CDADC1: variants seen among roughly 807,000 people sequenced by gnomAD.
CDADC1 encodes the protein cytidine and dCMP deaminase domain containing 1.
In CDADC1, 39 loss-of-function variants were observed where a neutral mutation model predicts 54.9. That is an observed-to-expected ratio of 0.71 (90% CI 0.55 to 0.93). The LOEUF (loss-of-function observed/expected upper bound fraction) is 0.93, where lower values mean the gene tolerates loss of function less well. Among genes scored for constraint, CDADC1 ranks in the 40% least tolerant of loss-of-function variants. The pLI is 0.00. For synonymous variants in CDADC1, 186 were observed against 204.0 expected, an observed-to-expected ratio of 0.91 and a Z score of 0.75; for missense variants, 518 against 618.8, an observed-to-expected ratio of 0.84 and a Z score of 1.73.
chr13:49,270,064 TC>T (rs1952925031), intron 5 of CDADC1, among the ~76,000 whole-genome samples: 2 of 152,090 alleles, frequency 1.3e-5, no homozygotes, highest in African/African-American at 4.8e-5. Flanking sequence ...TGTGCACTCT[TC>T]CAGGGAAGAA....
chr13:49,285,129 G>A (rs1953468285), intron 8 of CDADC1, among the ~76,000 whole-genome samples: 1 of 151,630 alleles, frequency 6.6e-6, no homozygotes, highest in South Asian at 2.1e-4. Context: ...ACATTAAAAG[G>A]CAAGGTAATC....
intron 8 of CDADC1, among the ~76,000 whole-genome samples, 190 bp from the exon 9 acceptor site, chr13:49,286,032 T>C (rs529425893): frequency 6.6e-6 from 1 of 152,320 alleles, no homozygotes; most frequent in Admixed American, 6.5e-5. Flanking sequence ...CAGGTTGGTC[T>C]CAAACTCCTT....
intron 9 of CDADC1, among the ~76,000 whole-genome samples, chr13:49,286,803 A>G (rs1204641182): frequency 1.3e-5 from 2 of 152,234 alleles, no homozygotes; most frequent in Non-Finnish European, 2.9e-5. Context: ...GTATACTACT[A>G]CAGATATTTT....
intron 3 of CDADC1, among the ~76,000 whole-genome samples, chr13:49,257,578 G>A (rs1952574797): frequency 6.6e-6 from 1 of 152,174 alleles, no homozygotes; most frequent in Admixed American, 6.5e-5. Context: ...AGACCATCCT[G>A]GCTAACATGG....
At chr13:49,283,757 A>G (rs553236737) in intron 8 of CDADC1, among the ~76,000 whole-genome samples, 8 of 152,266 alleles carry the variant, frequency 5.3e-5, no homozygotes, top group African/African-American at 1.9e-4. Context: ...AAATACCCTC[A>G]CTCAGGCACA....
Position 49,292,624 on chromosome 13 carries a change from T to C in CDADC1, c.*867T>C. ...CAAAAGGAAGAGCCTTTTAAAAACA[T>C]TTGCCAACCTCAAGAATAAATACTG... On this transcript the variant is annotated 3_prime_UTR_variant, in exon 10 of 10. Transcript: ENST00000251108. The C allele has an allele frequency of 8.6e-7, 1 of 1,168,366 alleles. No individual in the cohort carries two copies. The highest frequency in any genetic ancestry group is 1.1e-6 in the Non-Finnish European group (1 of 934,062). The allele number at this position is 1,168,366 out of a possible 1,614,324, so 72.4% of individuals were successfully genotyped here.
chr13:49,288,416 T>C (rs950330741), intron 9 of CDADC1, among the ~76,000 whole-genome samples: 1 of 152,182 alleles, frequency 6.6e-6, no homozygotes, highest in Non-Finnish European at 1.5e-5. Context: ...TTCAGAACAT[T>C]TTCATTATCT....
At position 49,280,697 on chromosome 13, in the gene CDADC1, C is replaced by T. The variant is rs146284753; in HGVS notation, c.1409C>T (p.Thr470Met). ...FGELEGVSKF[T>M]WQLNPSGAYG... ...GAGCTTGAAGGTGTTAGCAAATTTACGGTAAGTAGATACACATTTTTTTCA... is the reference window on the plus strand; with the variant it reads ...GAGCTTGAAGGTGTTAGCAAATTTATGGTAAGTAGATACACATTTTTTTCA... The change falls in exon 8 of 10, where the codon ACG (threonine) becomes ATG (methionine). Residue 470 changes from threonine to methionine, a missense_variant and splice_region_variant. Transcript: ENST00000251108. 1.3e-5 allele frequency: 20 copies of T among 1,564,090 alleles called. No individual in the cohort carries two copies. Among genetic ancestry groups the T allele is most frequent in the Non-Finnish European group, 1.5e-5 (17 of 1,157,448 alleles).
intron 6 of CDADC1, among the ~76,000 whole-genome samples, chr13:49,276,950 T>C (rs939364891): frequency 2.6e-4 from 40 of 152,182 alleles, no homozygotes; most frequent in Admixed American, 1.8e-3. Context: ...AGAATGTCAG[T>C]TTCTAGTTAT....
In CDADC1 at chr13:49,286,258, C is replaced by T; in HGVS notation, c.1447C>T (p.Gln483Ter). ...TCCATCAGGAGCTTATGGTCTTGAA[C>T]AAAATGAGCCTGAAAGGAGAGAAAG... ...LNPSGAYGLE[Q>*]NEPERRENGV... The change falls in exon 9 of 10, where the codon CAA becomes TAA. Residue 483 changes from glutamine to a stop codon, truncating the protein, a stop_gained. Coordinates refer to ENST00000251108, the MANE Select transcript of CDADC1 (RefSeq NM_030911.4). LOFTEE classifies it high-confidence loss of function. 1 of 1,613,266 alleles carries T rather than the reference C, an allele frequency of 6.2e-7. No individual in the cohort carries two copies. Among genetic ancestry groups the T allele is most frequent in the Non-Finnish European group, 8.5e-7 (1 of 1,179,304 alleles).
chr13:49,276,536 G>T (rs951876984), intron 6 of CDADC1, among the ~76,000 whole-genome samples: 5 of 152,184 alleles, frequency 3.3e-5, no homozygotes, highest in African/African-American at 7.2e-5. Context: ...CACTCATCCA[G>T]TATCTTCCCT....
chr13:49,277,516 T>G (rs939099043), intron 6 of CDADC1, among the ~76,000 whole-genome samples: 1 of 152,174 alleles, frequency 6.6e-6, no homozygotes, highest in Non-Finnish European at 1.5e-5. Flanking sequence ...TGAGATAATA[T>G]TTTGTTTGCA....
At chr13:49,252,134 G>C (rs985197958) in intron 2 of CDADC1, among the ~76,000 whole-genome samples, 6 of 152,194 alleles carry the variant, frequency 3.9e-5, no homozygotes, top group African/African-American at 1.4e-4. Context: ...TATATGAAAG[G>C]TTATCACTCT....
At chr13:49,260,789 G>A (rs1016726313) in intron 4 of CDADC1, among the ~76,000 whole-genome samples, 1 of 152,100 alleles carries the variant, frequency 6.6e-6, no homozygotes, top group Non-Finnish European at 1.5e-5. Context: ...TTATTTGGGG[G>A]CCAAAATAAC....
chr13:49,264,330 A>G (rs1952760641), intron 4 of CDADC1, among the ~76,000 whole-genome samples: 1 of 152,208 alleles, frequency 6.6e-6, no homozygotes, highest in Admixed American at 6.5e-5. Context: ...CTCAATTTCC[A>G]TGCCCTGATT....
At chr13:49,249,134 T>C (rs747077155) in intron 2 of CDADC1, among the ~76,000 whole-genome samples, 169 bp downstream of exon 2, 13 of 152,266 alleles carry the variant, frequency 8.5e-5, no homozygotes, top group Non-Finnish European at 1.3e-4. Context: ...TAATAAGTCA[T>C]CTTCCATTCT....
intron 9 of CDADC1, among the ~76,000 whole-genome samples, chr13:49,290,414 T>C (rs1301685401): frequency 2.0e-5 from 3 of 151,922 alleles, no homozygotes; most frequent in African/African-American, 7.3e-5. Flanking sequence ...TAATACATTA[T>C]ATATAGAGAG....
chr13:49,251,349 A>G (rs1375823202), intron 2 of CDADC1, among the ~76,000 whole-genome samples: 1 of 151,686 alleles, frequency 6.6e-6, no homozygotes, highest in Non-Finnish European at 1.5e-5. Flanking sequence ...CAGAGATTGC[A>G]TTGAGCTGAG....
intron 8 of CDADC1, among the ~76,000 whole-genome samples, chr13:49,285,270 C>T (rs1001986872): frequency 6.6e-6 from 1 of 151,478 alleles, no homozygotes; most frequent in African/African-American, 2.4e-5. Context: ...GCTCCACCTC[C>T]CGGGTTCTCG....
Sources: gnomAD v4.1 joint callset for allele counts (sites outside exome capture counted in the v4.1 genomes callset) on GRCh38, gnomAD v4.1.1 for gene constraint, MANE v1.5 for transcripts, NCBI Gene and HGNC (gene_info 2026-07-23, HGNC 2026-07-21) for gene names.